NDRG1: variants seen among roughly 807,000 people sequenced by gnomAD.
NDRG1 encodes the protein N-myc downstream regulated 1, also known as protein NDRG1.
NDRG1 carries 32 observed loss-of-function variants against 56.9 expected under a neutral mutation model. The observed-to-expected ratio is 0.56, with a 90% CI of 0.42 to 0.76. The LOEUF (loss-of-function observed/expected upper bound fraction) is 0.76. NDRG1 is among the 30% of genes least tolerant of loss of function. NDRG1 has a pLI of 0.00. For missense variants in NDRG1, 507 were observed against 545.7 expected, an observed-to-expected ratio of 0.93 and a Z score of 0.71; for synonymous variants, 211 against 204.1, an observed-to-expected ratio of 1.03 and a Z score of -0.29.
intron 4 of NDRG1, among the ~76,000 whole-genome samples, chr8:133,262,761 A>G (rs2130738026): frequency 6.6e-6 from 1 of 152,170 alleles, no homozygotes; most frequent in African/African-American, 2.4e-5. Flanking sequence ...CAGCCATGTG[A>G]TCTGTTTCTG....
intron 12 of NDRG1, 76 bp downstream of exon 12, chr8:133,247,799 C>G: frequency 2.7e-6 from 4 of 1,488,768 alleles, no homozygotes; most frequent in Non-Finnish European, 3.8e-6. Flanking sequence ...GAGGGGCAGG[C>G]AGGGCCACTT....
chr8:133,265,366 G>C (rs777512243), intron 3 of NDRG1, among the ~76,000 whole-genome samples: 1 of 152,168 alleles, frequency 6.6e-6, no homozygotes, highest in Non-Finnish European at 1.5e-5. Context: ...GTGAGGCAAG[G>C]GCCTGCCTGA....
At position 133,294,339 on chromosome 8, in the gene NDRG1, G is replaced by A. The variant is rs528929225; in HGVS notation, c.-19+2795C>T. Among the ~76,000 whole-genome samples, 81 of 152,328 alleles carry A rather than the reference G, an allele frequency of 5.3e-4. 1 individual carries two copies. Among genetic ancestry groups the A allele is most frequent in the African/African-American group, 1.8e-3 (76 of 41,562 alleles). ...ACGATCCAGGCAACGTTCTTGCGAG[G>A]ATGAAGGCAGATGGAGGGAGACAGT... On this transcript the variant is annotated intron_variant, in intron 1 of 15. Transcript: ENST00000323851.
At chr8:133,261,937 G>A (rs1325051308) in intron 5 of NDRG1, 110 bp downstream of exon 5, 12 of 1,407,870 alleles carry the variant, frequency 8.5e-6, no homozygotes, top group Admixed American at 2.3e-5. Flanking sequence ...AAGATGATAC[G>A]TTTTATATTT....
Position 133,244,397 on chromosome 8 carries a change from G to T in NDRG1, c.856-7C>A, listed in dbSNP as rs2130676501. ...GGCCGCCACAGTCCGCCATCTAGGA[G>T]AGAGGGAAGCTCGTTAGTGCCAAAC... On this transcript the variant is annotated splice_region_variant and splice_polypyrimidine_tract_variant and intron_variant, in intron 13 of 15. Coordinates refer to ENST00000323851, the MANE Select transcript of NDRG1 (RefSeq NM_006096.4). The T allele has an allele frequency of 6.2e-7, 1 of 1,614,236 alleles. No individual in the cohort carries two copies. Among genetic ancestry groups the T allele is most frequent in the South Asian group, 1.1e-5 (1 of 91,088 alleles).
intron 11 of NDRG1, 94 bp downstream of exon 11, chr8:133,248,621 C>G: frequency 1.4e-6 from 2 of 1,400,148 alleles, no homozygotes; most frequent in African/African-American, 2.8e-5. Flanking sequence ...GACACAATGT[C>G]CTGCCACACT....
Position 133,238,692 on chromosome 8 carries a change from C to A in NDRG1, c.*186G>T. 1.4e-6 allele frequency: 1 copy of A among 707,274 alleles called. No individual in the cohort carries two copies. The highest frequency in any genetic ancestry group is 2.0e-5 in the South Asian group (1 of 49,774). 43.8% of individuals were successfully genotyped at this position (707,274 alleles called of 1,614,324 possible). On this transcript the variant is annotated 3_prime_UTR_variant, in exon 16 of 16. Transcript: ENST00000323851. ...CTTCCTTCCTTTGGTCCACCGCCACCCCGCCTTTGGAGAGGGCACCCACGT... is the reference window on the plus strand; with the variant it reads ...CTTCCTTCCTTTGGTCCACCGCCACACCGCCTTTGGAGAGGGCACCCACGT...
intron 1 of NDRG1, among the ~76,000 whole-genome samples, chr8:133,291,239 A>T (rs1858412079): frequency 6.6e-6 from 1 of 152,224 alleles, no homozygotes; most frequent in Non-Finnish European, 1.5e-5. Context: ...TCTCCAGCAC[A>T]TTGTGCTCTT....
At chr8:133,258,853 G>C in intron 6 of NDRG1, 2 of 518,582 alleles carry the variant, frequency 3.9e-6, no homozygotes, top group Non-Finnish European at 7.0e-6. Flanking sequence ...AAGGACTCAG[G>C]CAACTCCATT....
chr8:133,295,701 G>C (rs1858711067), intron 1 of NDRG1, among the ~76,000 whole-genome samples: 1 of 152,252 alleles, frequency 6.6e-6, no homozygotes, highest in Non-Finnish European at 1.5e-5. Flanking sequence ...AGCAAGAACA[G>C]GGGGTTTGTA....
At chr8:133,252,152 A>G (rs1167632122) in intron 9 of NDRG1, among the ~76,000 whole-genome samples, 4 of 152,118 alleles carry the variant, frequency 2.6e-5, no homozygotes, top group Non-Finnish European at 5.9e-5. Context: ...GCTGCAGTGC[A>G]TGGCGCGATC....
intron 13 of NDRG1, among the ~76,000 whole-genome samples, chr8:133,245,201 A>C (rs1855605456): frequency 6.6e-6 from 1 of 152,168 alleles, no homozygotes; most frequent in East Asian, 1.9e-4. Context: ...TCAGCACATT[A>C]GACTGACGCT....
In NDRG1 at chr8:133,264,570, G is replaced by T; in HGVS notation, c.182C>A (p.Thr61Asn). The T allele has an allele frequency of 1.2e-6, 2 of 1,614,140 alleles. No individual in the cohort carries two copies. Among genetic ancestry groups the T allele is most frequent in the African/African-American group, 1.3e-5 (1 of 75,044 alleles). The change falls in exon 4 of 16, where the codon ACC becomes AAC. Residue 61 changes from threonine (T) to asparagine (N), a missense_variant. Transcript: ENST00000323851. ...TPKGNRPVIL[T>N]YHDIGMNHKT... ...ACGGTTCATGCCGATGTCATGGTAG[G>T]TGAGGATGACAGGCCGGTTTCCCTT... is the stretch of plus-strand genomic sequence containing the variant.
intron 4 of NDRG1, among the ~76,000 whole-genome samples, chr8:133,262,610 G>A (rs1263201021): frequency 6.6e-6 from 1 of 152,218 alleles, no homozygotes; most frequent in Non-Finnish European, 1.5e-5. Flanking sequence ...GGTGAGGCGT[G>A]CCTCCTCCTT....
At chr8:133,244,035 G>A (rs1855529131) in intron 14 of NDRG1, among the ~76,000 whole-genome samples, 1 of 152,140 alleles carries the variant, frequency 6.6e-6, no homozygotes, top group South Asian at 2.1e-4. Flanking sequence ...TCTGCTCTGG[G>A]CTGGAGCTCC....
intron 10 of NDRG1, 72 bp downstream of exon 10, chr8:133,250,368 C>T (rs1855945691): frequency 1.5e-6 from 2 of 1,320,626 alleles, no homozygotes; most frequent in East Asian, 4.6e-5. Flanking sequence ...TCCCTCTCAT[C>T]TGTCCCACAT....
chr8:133,250,660 A>G, intron 9 of NDRG1, 117 bp from the exon 10 acceptor site: 2 of 903,002 alleles, frequency 2.2e-6, no homozygotes, highest in Non-Finnish European at 3.6e-6. Context: ...TGCCTAATCC[A>G]CAAGACAGCG....
In NDRG1 at chr8:133,264,631, G is replaced by A; in HGVS notation, c.121C>T (p.His41Tyr). 6.2e-7 allele frequency: 1 copy of A among 1,614,210 alleles called. No homozygotes were observed. Among genetic ancestry groups the A allele is most frequent in the Non-Finnish European group, 8.5e-7 (1 of 1,180,030 alleles). Residue 41 changes from histidine to tyrosine, a missense_variant, in exon 4 of 16, where the codon CAT becomes TAT. His to Tyr is a moderately conservative substitution (Grantham distance 83). Transcript: ENST00000323851. ...CACAGCGTGACGTGAACAGAGCCAT[G>A]TAAAGTCTCGATGTCCTGCTCCTGA... ...DVQEQDIETL[H>Y]GSVHVTLCGT...
At chr8:133,275,815 C>T (rs1361991198) in intron 3 of NDRG1, among the ~76,000 whole-genome samples, 1 of 152,182 alleles carries the variant, frequency 6.6e-6, no homozygotes, top group Non-Finnish European at 1.5e-5. Flanking sequence ...TGCTTCAGGT[C>T]CTCTCTCTCC....
Sources: allele counts gnomAD v4.1 joint callset (sites outside exome capture counted in the v4.1 genomes callset), GRCh38; gene constraint gnomAD v4.1.1; transcripts MANE v1.5; gene names NCBI Gene and HGNC (gene_info 2026-07-23, HGNC 2026-07-21).